The following SBF2 variants were observed in gnomAD, a reference collection of about 807,000 sequenced individuals.
The protein encoded by SBF2 is myotubularin-related protein 13.
SBF2 carries 112 observed loss-of-function variants against 225.2 expected under a neutral mutation model. That is an observed-to-expected ratio of 0.50 (90% confidence interval 0.43 to 0.58). SBF2 has a LOEUF of 0.58. Among genes scored for constraint, SBF2 ranks in the 20% least tolerant of loss-of-function variants. The probability of loss-of-function intolerance (pLI) is 0.00; values close to 1 mark genes in which losing one functional copy is unlikely to be tolerated. For missense variants in SBF2, 1,996 were observed against 2,206.2 expected (o/e 0.90, Z 1.91); for synonymous variants, 763 against 773.3 (o/e 0.99, Z 0.22).
intron 2 of SBF2, chr11:10,149,337 T>C (rs761034124): frequency 3.3e-5 from 5 of 152,096 alleles, no homozygotes; most frequent in Non-Finnish European, 7.4e-5. Flanking sequence ...TTAAAATCCA[T>C]CTTTTATTTT....
At chr11:10,233,559 A>C (rs563559801) in intron 1 of SBF2, among the ~76,000 whole-genome samples, 109 of 145,428 alleles carry the variant, frequency 7.5e-4, no homozygotes, top group East Asian at 2.9e-3. Context: ...ATATATATAT[A>C]TCTCTCTCTC....
chr11:10,122,129 C>T (rs1010204514), intron 2 of SBF2, among the ~76,000 whole-genome samples: 14 of 152,136 alleles, frequency 9.2e-5, no homozygotes, highest in African/African-American at 3.1e-4. Flanking sequence ...AAATCATATG[C>T]TTAGGCTGCT....
At chr11:10,145,084 A>T (rs1954825657) in intron 2 of SBF2, among the ~76,000 whole-genome samples, 1 of 152,198 alleles carries the variant, frequency 6.6e-6, no homozygotes, top group South Asian at 2.1e-4. Context: ...TAGCACAAAG[A>T]GGCGATGGCT....
intron 1 of SBF2, among the ~76,000 whole-genome samples, chr11:10,249,061 A>G (rs1185395418): frequency 1.3e-5 from 2 of 151,792 alleles, no homozygotes; most frequent in Non-Finnish European, 2.9e-5. Context: ...GTGTCACTGC[A>G]CTCCAGCCTG....
At chr11:10,113,131 C>T (rs1443625505) in intron 2 of SBF2, among the ~76,000 whole-genome samples, 3 of 151,872 alleles carry the variant, frequency 2.0e-5, no homozygotes, top group African/African-American at 7.3e-5. Flanking sequence ...GTAGCTGGGA[C>T]CAGAGGTGCA....
rs1182448322 is a variant in SBF2, at chr11:9,784,263, AATCT to A, written c.5319+84_5319+87del. ...CTAAAAAAGCAGTCTGTACATGAGGAATCTATCTGTCTGCTAGAGCCACATAATA... is the reference window on the plus strand; with the variant it reads ...CTAAAAAAGCAGTCTGTACATGAGGAATCTGTCTGCTAGAGCCACATAATA... On this transcript the variant is annotated intron_variant, in intron 38 of 39. Coordinates refer to ENST00000256190, the MANE Select transcript of SBF2 (RefSeq NM_030962.4). 5.1e-6 allele frequency: 5 copies of A among 982,302 alleles called. No individual in the cohort carries two copies. In the East Asian group the frequency reaches 7.1e-5, roughly 14 times the overall value. 60.8% of individuals were successfully genotyped at this position (982,302 alleles called of 1,614,324 possible). A position where few individuals can be genotyped will look rare whatever the true frequency, so the allele number is the denominator to read the frequency against.
chr11:9,841,329 T>A (rs1257591510), intron 25 of SBF2, among the ~76,000 whole-genome samples: 1 of 152,126 alleles, frequency 6.6e-6, no homozygotes, highest in South Asian at 2.1e-4. Flanking sequence ...ATAAAAAAAA[T>A]TGAGTTAGAA....
chr11:10,266,498 A>T (rs1163640058), intron 1 of SBF2, among the ~76,000 whole-genome samples: 6 of 152,216 alleles, frequency 3.9e-5, no homozygotes, highest in Non-Finnish European at 8.8e-5. Flanking sequence ...AGACATTCTG[A>T]GTATGAAGTT....
At chr11:10,106,472 CA>C (rs922202443) in intron 2 of SBF2, among the ~76,000 whole-genome samples, 1 of 151,128 alleles carries the variant, frequency 6.6e-6, no homozygotes, top group African/African-American at 2.4e-5. Context: ...ACTAAAAATA[CA>C]AAAAAAATAG....
intron 2 of SBF2, among the ~76,000 whole-genome samples, chr11:10,079,170 T>C (rs771096718): frequency 6.6e-6 from 1 of 152,154 alleles, no homozygotes; most frequent in Non-Finnish European, 1.5e-5. Flanking sequence ...CAAGATGCTA[T>C]GACATCTCAA....
intron 2 of SBF2, among the ~76,000 whole-genome samples, chr11:10,058,847 C>T (rs2134745831): frequency 6.6e-6 from 1 of 152,216 alleles, no homozygotes; most frequent in African/African-American, 2.4e-5. Flanking sequence ...AGATTGGGGG[C>T]CTATATTCAA....
In SBF2 at chr11:10,055,547, A is replaced by G. The variant is rs867617202; in HGVS notation, c.142-12566T>C. On this transcript the variant is annotated intron_variant, in intron 2 of 39. Transcript: ENST00000256190. Reference sequence around the variant, plus strand: ...GATACACACACACACACACACACACACACACACACACACACACACACACAC... The same window carrying G: ...GATACACACACACACACACACACACGCACACACACACACACACACACACAC... Among the ~76,000 whole-genome samples the G allele has an allele frequency of 5.3e-3, 790 of 150,346 alleles. 6 individuals carry two copies. Among genetic ancestry groups the G allele is most frequent in the African/African-American group, 0.018 (747 of 40,398 alleles).
chr11:9,846,917 A>T (rs756596076), intron 23 of SBF2, 39 bp downstream of exon 23: 2 of 1,612,648 alleles, frequency 1.2e-6, no homozygotes, highest in South Asian at 2.2e-5. Context: ...ACTTTTGAAA[A>T]TTTTTGAATA....
At chr11:9,795,721 T>A in intron 33 of SBF2, 110 bp downstream of exon 33, 2 of 1,364,674 alleles carry the variant, frequency 1.5e-6, no homozygotes, top group Non-Finnish European at 2.1e-6. Context: ...AGTTCAGAGT[T>A]AAACCTTAAC....
At chr11:9,830,881 C>T (rs1855358244) in intron 27 of SBF2, among the ~76,000 whole-genome samples, 1 of 151,754 alleles carries the variant, frequency 6.6e-6, no homozygotes, top group Non-Finnish European at 1.5e-5. Flanking sequence ...AATCAGCAAC[C>T]AGTGGAATAA....
chr11:10,071,633 T>A (rs1188776121), intron 2 of SBF2, among the ~76,000 whole-genome samples: 1 of 152,176 alleles, frequency 6.6e-6, no homozygotes. Flanking sequence ...GCTGTGGGTT[T>A]GTCATAAACA....
intron 16 of SBF2, among the ~76,000 whole-genome samples, chr11:9,935,846 T>C (rs1864858174): frequency 6.6e-6 from 1 of 152,076 alleles, no homozygotes; most frequent in Non-Finnish European, 1.5e-5. Context: ...CCTAAAACCA[T>C]AAAAACCCTA....
At chr11:10,189,740 A>T (rs1179602601) in intron 2 of SBF2, among the ~76,000 whole-genome samples, 1 of 152,192 alleles carries the variant, frequency 6.6e-6, no homozygotes, top group Non-Finnish European at 1.5e-5. Context: ...TTAGTCTTCT[A>T]AAAAAATCAG....
chr11:10,227,241 G>A (rs1486029216), intron 1 of SBF2, among the ~76,000 whole-genome samples: 13 of 151,968 alleles, frequency 8.6e-5, no homozygotes, highest in Non-Finnish European at 1.6e-4. Context: ...AGATGAGTAG[G>A]TTGCAAAAAT....
Sources: gnomAD v4.1 joint callset for allele counts (sites outside exome capture counted in the v4.1 genomes callset) on GRCh38, gnomAD v4.1.1 for gene constraint, MANE v1.5 for transcripts, NCBI Gene and HGNC (gene_info 2026-07-23, HGNC 2026-07-21) for gene names.